Variants in XPO7 observed in about 807,000 individuals in gnomAD.
The protein encoded by XPO7 is exportin 7.
In XPO7, 21 loss-of-function variants were observed where a neutral mutation model predicts 144.3. The observed-to-expected ratio is 0.15, with a 90% CI of 0.10 to 0.21. The LOEUF (loss-of-function observed/expected upper bound fraction) is 0.21, where lower values mean the gene tolerates loss of function less well. Among genes scored for constraint, XPO7 ranks in the 10% least tolerant of loss-of-function variants. The probability of loss-of-function intolerance (pLI) is 1.00; values close to 1 mark genes in which losing one functional copy is unlikely to be tolerated. For missense variants in XPO7, 808 were observed against 1,325.8 expected, an observed-to-expected ratio of 0.61 and a Z score of 6.06; for synonymous variants, 580 against 499.6, an observed-to-expected ratio of 1.16 and a Z score of -2.15.
chr8:21,923,505 A>T (rs1405656627), intron 1 of XPO7, among the ~76,000 whole-genome samples: 1 of 152,210 alleles, frequency 6.6e-6, no homozygotes, highest in African/African-American at 2.4e-5. Context: ...TATTTAAAAC[A>T]TATATATCTA....
chr8:21,994,385 G>A lies in XPO7; in HGVS notation c.2171G>A (p.Arg724Lys), dbSNP rs1812871852. Residue 724 changes from arginine (R) to lysine (K), a missense_variant, in exon 20 of 28, where the codon AGA becomes AAA. Transcript: ENST00000252512. Reference sequence around the variant, plus strand: ...CAGCGAACTCTAGTTGGCCTAGTAAGAGACCTGAGAGGGATCGCTTTCGCT... The same window carrying A: ...CAGCGAACTCTAGTTGGCCTAGTAAAAGACCTGAGAGGGATCGCTTTCGCT... The part of the protein sequence containing the change: ...EAKRTLVGLV[R>K]DLRGIAFAFN... 6.2e-7 allele frequency: 1 copy of A among 1,612,302 alleles called. No individual in the cohort carries two copies. Among genetic ancestry groups the A allele is most frequent in the Admixed American group, 1.7e-5 (1 of 59,964 alleles).
intron 1 of XPO7, among the ~76,000 whole-genome samples, chr8:21,928,217 C>T (rs1248988708): frequency 1.3e-5 from 2 of 152,240 alleles, no homozygotes; most frequent in Non-Finnish European, 2.9e-5. Context: ...TTCTTTCACT[C>T]AGCATAGTAA....
intron 2 of XPO7, among the ~76,000 whole-genome samples, chr8:21,967,533 G>T (rs1391044625): frequency 1.3e-5 from 2 of 151,972 alleles, no homozygotes; most frequent in African/African-American, 2.4e-5. Flanking sequence ...GGGTTTCTCC[G>T]TGTTGGTCAG....
intron 24 of XPO7, among the ~76,000 whole-genome samples, chr8:22,000,411 T>A (rs964828314): frequency 3.9e-5 from 6 of 151,908 alleles, no homozygotes; most frequent in African/African-American, 1.5e-4. Context: ...CTAGTCCATA[T>A]GGTTTCTGTC....
chr8:21,919,781 A>G lies in XPO7; in HGVS notation c.11A>G (p.His4Arg). Residue 4 changes from histidine (H) to arginine (R), a missense_variant, in exon 1 of 28, where the codon CAT becomes CGT. By Grantham distance (29) the His-to-Arg change is conservative. Transcript: ENST00000252512. ...CATGAATGGAGCAAAATGGCGGATC[A>G]TGTGCAGGTGAGAGGAGCCGCGGGG... MAD[H>R]VQSLAQLENL... The G allele has an allele frequency of 1.7e-6, 1 of 579,926 alleles. No homozygotes were observed. The highest frequency in any genetic ancestry group is 2.5e-6 in the Non-Finnish European group (1 of 407,162). The allele number at this position is 579,926 out of a possible 1,614,324, so 35.9% of individuals were successfully genotyped here.
rs751949528 is a variant in XPO7, at chr8:21,984,850, A to G, written c.1471+11A>G. ...TTGCAGTGCAGGAGGGTGAGTGTGC[A>G]GCGTGCTGGGAACTCTAGACCTGTG... On this transcript the variant is annotated intron_variant, in intron 12 of 27. Coordinates refer to ENST00000252512, the MANE Select transcript of XPO7 (RefSeq NM_015024.5). 3 of 1,613,116 alleles carry G rather than the reference A, an allele frequency of 1.9e-6. No homozygotes were observed. The highest frequency in any genetic ancestry group is 2.5e-6 in the Non-Finnish European group (3 of 1,179,720).
intron 1 of XPO7, among the ~76,000 whole-genome samples, chr8:21,925,089 A>G (rs1217188406): frequency 6.6e-6 from 1 of 152,182 alleles, no homozygotes; most frequent in African/African-American, 2.4e-5. Context: ...CTACCCCGTT[A>G]TCTTTTCCCC....
chr8:21,993,400 G>A (rs764320411), intron 19 of XPO7, among the ~76,000 whole-genome samples: 2 of 152,182 alleles, frequency 1.3e-5, no homozygotes, highest in Non-Finnish European at 2.9e-5. Flanking sequence ...TTGCTTACAA[G>A]CAGACTGTTA....
chr8:21,969,699 A>G (rs1811990368), intron 3 of XPO7, 123 bp downstream of exon 3: 4 of 1,005,342 alleles, frequency 4.0e-6, no homozygotes, highest in Non-Finnish European at 5.8e-6. Flanking sequence ...CAAAATGTCT[A>G]GAATCCAGTT....
At chr8:21,956,761 T>G (rs1811548982) in intron 1 of XPO7, among the ~76,000 whole-genome samples, 1 of 152,014 alleles carries the variant, frequency 6.6e-6, no homozygotes, top group South Asian at 2.1e-4. Context: ...TTGTGCATCC[T>G]GTTATTCCAC....
In XPO7 at chr8:21,923,560, C is replaced by T. The variant is rs536019369; in HGVS notation, c.18+3772C>T. On this transcript the variant is annotated intron_variant, in intron 1 of 27. Transcript: ENST00000252512. Reference sequence around the variant, plus strand: ...TGACTTTAGTATATTTCCTGAGAAGCCTTGAGAAAAATTAAGGGATGTATA... The same window carrying T: ...TGACTTTAGTATATTTCCTGAGAAGTCTTGAGAAAAATTAAGGGATGTATA... Among the ~76,000 whole-genome samples, 155 of 152,106 alleles carry T rather than the reference C, an allele frequency of 1.0e-3. 3 individuals are homozygous for T. The South Asian group carries it at 0.01, about 10-fold the overall frequency.
At chr8:21,962,687 G>A (rs1016090558) in intron 1 of XPO7, among the ~76,000 whole-genome samples, 1 of 152,134 alleles carries the variant, frequency 6.6e-6, no homozygotes, top group African/African-American at 2.4e-5. Context: ...AGACAATTAA[G>A]TTTGGTTTGT....
chr8:21,994,325 T>A, intron 19 of XPO7, 38 bp from the exon 20 acceptor site: 1 of 1,540,270 alleles, frequency 6.5e-7, no homozygotes, highest in Non-Finnish European at 8.9e-7. Context: ...AGTTTTGTCT[T>A]TTCTTCTATT....
At chr8:21,973,915 G>T (rs1812144248) in intron 5 of XPO7, among the ~76,000 whole-genome samples, 1 of 152,202 alleles carries the variant, frequency 6.6e-6, no homozygotes, top group South Asian at 2.1e-4. Context: ...CACTTCTGGG[G>T]TATAGAGAAT....
At chr8:21,984,229 T>C (rs1472378061) in intron 11 of XPO7, among the ~76,000 whole-genome samples, 3 of 152,084 alleles carry the variant, frequency 2.0e-5, no homozygotes, top group Admixed American at 6.5e-5. Context: ...CTTCCTCCAA[T>C]TTGAACAGTT....
At chr8:21,970,342 G>A in intron 4 of XPO7, 32 bp downstream of exon 4, 1 of 1,594,164 alleles carries the variant, frequency 6.3e-7, no homozygotes. Flanking sequence ...TAATGGGAAT[G>A]GGAGAACCAG....
chr8:22,003,456 C>T (rs2117412210), intron 26 of XPO7, 139 bp downstream of exon 26: 1 of 642,966 alleles, frequency 1.6e-6, no homozygotes, highest in South Asian at 2.0e-5. Flanking sequence ...CTGAGCAAGT[C>T]CCATTTGTGC....
intron 1 of XPO7, among the ~76,000 whole-genome samples, chr8:21,963,028 TTAAAA>T (rs1811773714): frequency 6.6e-6 from 1 of 152,180 alleles, no homozygotes; most frequent in Admixed American, 6.5e-5. Context: ...GGGACATAAA[TTAAAA>T]GGGTTTGTGA....
At position 21,994,288 on chromosome 8, in the gene XPO7, T is replaced by C. The variant is rs971905771; in HGVS notation, c.2149-75T>C. The C allele has an allele frequency of 6.5e-6, 7 of 1,072,744 alleles. No homozygotes were observed. In the African/African-American group the frequency reaches 1.1e-4, roughly 17 times the overall value. 66.5% of individuals were successfully genotyped at this position (1,072,744 alleles called of 1,614,324 possible). A position where few individuals can be genotyped will look rare whatever the true frequency, so the allele number is the denominator to read the frequency against. Reference sequence around the variant, plus strand: ...GTGAGAGAAAGAATTTGATGATACATGTGTGGAATCCTCATCAGATTGTTA... The same window carrying C: ...GTGAGAGAAAGAATTTGATGATACACGTGTGGAATCCTCATCAGATTGTTA... On this transcript the variant is annotated intron_variant, in intron 19 of 27. Transcript: ENST00000252512.
Sources: gnomAD v4.1 joint callset for allele counts (sites outside exome capture counted in the v4.1 genomes callset) on GRCh38, gnomAD v4.1.1 for gene constraint, MANE v1.5 for transcripts, NCBI Gene and HGNC (gene_info 2026-07-23, HGNC 2026-07-21) for gene names.